The following TENM1 variants were observed in gnomAD, a reference collection of about 807,000 sequenced individuals.
TENM1 encodes the protein teneurin-1.
TENM1 carries 35 observed loss-of-function variants against 174.8 expected under a neutral mutation model. The ratio of observed to expected loss-of-function variants is 0.20; its 90% CI spans 0.15 to 0.27. TENM1 has a LOEUF of 0.27. TENM1 is among the 10% of genes least tolerant of loss of function. The pLI is 1.00. For synonymous variants in TENM1, 781 were observed against 798.7 expected (o/e 0.98, Z 0.37); for missense variants, 1,633 against 2,130.1 (o/e 0.77, Z 4.59).
At chrX:124,903,841 G>C (rs920784898) in intron 1 of TENM1, among the ~76,000 whole-genome samples, 3 of 111,579 alleles carry the variant, frequency 2.7e-5, no homozygotes, top group African/African-American at 9.8e-5. Context: ...GAGACTTCCT[G>C]GCCTAAATGA....
chrX:124,544,630 T>C (rs1391788496), intron 15 of TENM1, among the ~76,000 whole-genome samples: 1 of 112,340 alleles, frequency 8.9e-6, no homozygotes, highest in East Asian at 2.8e-4. Context: ...TAAATTGAAC[T>C]GGATTTTTAA....
intron 3 of TENM1, among the ~76,000 whole-genome samples, chrX:124,888,034 G>A (rs1480756795): frequency 8.9e-6 from 1 of 111,765 alleles, no homozygotes; most frequent in Non-Finnish European, 1.9e-5. Flanking sequence ...AATATCAGAA[G>A]AAATAACTCA....
intron 11 of TENM1, among the ~76,000 whole-genome samples, chrX:124,637,093 CT>C (rs747497256): frequency 5.1e-3 from 519 of 101,889 alleles, no homozygotes; most frequent in African/African-American, 0.011. Context: ...TTCTTTCTTT[CT>C]TTTTTTTTTT....
intron 15 of TENM1, among the ~76,000 whole-genome samples, chrX:124,540,655 G>A (rs2048298744): frequency 8.9e-6 from 1 of 111,776 alleles, no homozygotes. Context: ...GCTGTCACCA[G>A]GTATCATGAC....
chrX:124,982,270 G>GAAAAAAAAAAAAAAAA, the TENM1 span, among the ~76,000 whole-genome samples: 1 of 10,541 alleles, frequency 9.5e-5, no homozygotes, highest in Admixed American at 9.6e-4. Flanking sequence ...AAGAAAATGT[G>GAAAAAAAAAAAAAAAA]AAAAAAAAAA....
intron 3 of TENM1, among the ~76,000 whole-genome samples, chrX:124,753,809 C>A (rs751158115): frequency 4.5e-5 from 5 of 111,548 alleles, no homozygotes; most frequent in Non-Finnish European, 7.5e-5. Flanking sequence ...TTGCGTCTAT[C>A]GAACCAGCCT....
intron 20 of TENM1, among the ~76,000 whole-genome samples, chrX:124,488,554 G>A (rs1042284192): frequency 5.3e-5 from 6 of 112,329 alleles, no homozygotes; most frequent in African/African-American, 1.9e-4. Context: ...GAACTGATAA[G>A]GATGAGGAGC....
At chrX:124,809,201 G>A (rs758631415) in intron 3 of TENM1, among the ~76,000 whole-genome samples, 6 of 111,664 alleles carry the variant, frequency 5.4e-5, no homozygotes, top group Admixed American at 9.5e-5. Flanking sequence ...TAGCCTAGAA[G>A]AAACGGATAC....
chrX:124,435,524 G>A (rs1274307555), intron 23 of TENM1, among the ~76,000 whole-genome samples: 2 of 111,804 alleles, frequency 1.8e-5, no homozygotes. Flanking sequence ...TAAGCTATAA[G>A]TGGGCTGGGC....
exon 32 of TENM1, chrX:124,380,942 G>T (rs1367136082): frequency 8.3e-7 from 1 of 1,211,481 alleles, no homozygotes; most frequent in South Asian, 1.8e-5. Flanking sequence ...CCTCCCCCCA[G>T]TGTTACCGAT....
intron 6 of TENM1, among the ~76,000 whole-genome samples, chrX:124,665,508 C>G (rs1255606063): frequency 1.8e-5 from 2 of 112,604 alleles, no homozygotes; most frequent in Non-Finnish European, 3.8e-5. Context: ...GTTTGAATTG[C>G]AACGGAATTC....
exon 27 of TENM1, chrX:124,405,112 C>T (rs1167789353): frequency 8.3e-7 from 1 of 1,211,788 alleles, no homozygotes; most frequent in Non-Finnish European, 1.1e-6. Context: ...TTGCATTGTG[C>T]TCTCCGGGCA....
chrX:124,753,567 A>G (rs2054140937), intron 3 of TENM1, among the ~76,000 whole-genome samples: 2 of 105,422 alleles, frequency 1.9e-5, no homozygotes, highest in Admixed American at 1.0e-4. Context: ...GTCTTGTGCC[A>G]GTTTTCAAAG....
intron 1 of TENM1, among the ~76,000 whole-genome samples, chrX:124,958,359 A>C (rs931331952): frequency 9.0e-6 from 1 of 111,578 alleles, no homozygotes; most frequent in Non-Finnish European, 1.9e-5. Flanking sequence ...ATAAAACATT[A>C]ACTTCCCTAA....
exon 2 of TENM1, chrX:124,896,104 G>C (rs1164457603): frequency 8.3e-7 from 1 of 1,209,319 alleles, no homozygotes. Flanking sequence ...CTTAGTGCAT[G>C]GTCAGGTGAG....
chrX:124,526,534 A>G (rs931085163), intron 16 of TENM1, among the ~76,000 whole-genome samples: 1 of 112,085 alleles, frequency 8.9e-6, no homozygotes, highest in Admixed American at 9.5e-5. Context: ...CATCTAAACC[A>G]TTTCCAATGC....
chrX:124,740,909 G>T (rs1424823675), intron 3 of TENM1, among the ~76,000 whole-genome samples: 2 of 111,590 alleles, frequency 1.8e-5, no homozygotes, highest in Non-Finnish European at 3.8e-5. Context: ...ATACACTTCT[G>T]TGCCCCAGAG....
intron 11 of TENM1, among the ~76,000 whole-genome samples, chrX:124,591,159 G>T (rs1371640483): frequency 1.8e-5 from 2 of 111,699 alleles, no homozygotes; most frequent in East Asian, 5.6e-4. Flanking sequence ...GATAGCAGAT[G>T]GATGGGTCTT....
rs1228740089 is a variant in TENM1 at position 124,929,688 on chromosome X, T to C, written c.218-33447A>G. Reference sequence around the variant, plus strand: ...GATGTGAGTCTCTCCAATAATTTACTGTAAATTTCTACTTGCTTAGTTTTC... The same window carrying C: ...GATGTGAGTCTCTCCAATAATTTACCGTAAATTTCTACTTGCTTAGTTTTC... On this transcript the variant is annotated intron_variant, in intron 1 of 31. Coordinates refer to ENST00000422452, the Ensembl canonical transcript of TENM1. Among the ~76,000 whole-genome samples the C allele has an allele frequency of 6.3e-5, 7 of 111,906 alleles. No individual in the cohort carries two copies. The East Asian group carries it at 1.1e-3, about 18-fold the overall frequency.
Sources: gnomAD v4.1 joint callset for allele counts (sites outside exome capture counted in the v4.1 genomes callset) on GRCh38, gnomAD v4.1.1 for gene constraint, MANE v1.5 for transcripts, NCBI Gene and HGNC (gene_info 2026-07-23, HGNC 2026-07-21) for gene names.